COL5A2: variants seen among roughly 807,000 people sequenced by gnomAD.
COL5A2 encodes collagen alpha-2(V) chain.
In COL5A2, 23 loss-of-function variants were observed where a neutral mutation model predicts 208.2. That is an observed-to-expected ratio of 0.11 (90% CI 0.08 to 0.16). COL5A2 has a LOEUF of 0.16. Among genes scored for constraint, COL5A2 ranks in the 10% least tolerant of loss-of-function variants. The pLI, the probability that COL5A2 is intolerant of heterozygous loss-of-function variation, is 1.00. For synonymous variants in COL5A2, 625 were observed against 628.5 expected (o/e 0.99, Z 0.08); for missense variants, 1,590 against 1,956.4 (o/e 0.81, Z 3.53).
intron 17 of COL5A2, among the ~76,000 whole-genome samples, chr2:189,072,765 C>CAACCTGCAGTCAGACTCCATCTCA: frequency 1.5e-5 from 1 of 67,532 alleles, no homozygotes; most frequent in Non-Finnish European, 2.9e-5. Context: ...ACTCCATCTC[C>CAACCTGCAGTCAGACTCCATCTCA]AAAAAAAAAA....
At chr2:189,040,065 AAG>A (rs1460659381) in intron 50 of COL5A2, among the ~76,000 whole-genome samples, 3 of 152,206 alleles carry the variant, frequency 2.0e-5, no homozygotes, top group Non-Finnish European at 4.4e-5. Flanking sequence ...CTACTTCTAA[AAG>A]AGAGGGAGAG....
At chr2:189,203,534 A>AT (rs1275501614) in intron 1 of COL5A2, among the ~76,000 whole-genome samples, 2 of 152,150 alleles carry the variant, frequency 1.3e-5, no homozygotes, top group Non-Finnish European at 2.9e-5. Flanking sequence ...ATATTTTAAA[A>AT]TTTTTTTACA....
At chr2:189,205,018 A>C (rs573584909) in intron 1 of COL5A2, among the ~76,000 whole-genome samples, 4 of 152,308 alleles carry the variant, frequency 2.6e-5, no homozygotes, top group African/African-American at 9.6e-5. Flanking sequence ...GACTCCTAAC[A>C]CCGTTATCCT....
chr2:189,179,249 C>T (rs771710510), intron 1 of COL5A2, among the ~76,000 whole-genome samples: 1 of 152,182 alleles, frequency 6.6e-6, no homozygotes, highest in Non-Finnish European at 1.5e-5. Flanking sequence ...GTCCCACTCT[C>T]ACACTCAGCC....
At chr2:189,420,587 T>G in the COL5A2 span, among the ~76,000 whole-genome samples, 2 of 151,950 alleles carry the variant, frequency 1.3e-5, no homozygotes, top group Non-Finnish European at 2.9e-5. Flanking sequence ...ATAAATTAGA[T>G]AAATAGGTCT....
chr2:189,178,786 C>A (rs1306110784), intron 1 of COL5A2, among the ~76,000 whole-genome samples: 1 of 145,986 alleles, frequency 6.8e-6, no homozygotes, highest in African/African-American at 2.5e-5. Context: ...AAGATATATA[C>A]AAGACATGCT....
chr2:189,311,886 CT>C, the COL5A2 span: 1 of 1,017,072 alleles, frequency 9.8e-7, no homozygotes. Context: ...TTTACTTCCT[CT>C]TTGTGGTTCT....
the COL5A2 span, among the ~76,000 whole-genome samples, chr2:189,361,231 T>C: frequency 6.6e-6 from 1 of 152,188 alleles, no homozygotes; most frequent in African/African-American, 2.4e-5. Context: ...TATTACTGTG[T>C]TGCAGTCAAT....
At chr2:189,274,644 G>C in the COL5A2 span, among the ~76,000 whole-genome samples, 1 of 151,794 alleles carries the variant, frequency 6.6e-6, no homozygotes, top group Non-Finnish European at 1.5e-5. Flanking sequence ...TACTACATAA[G>C]CAAATAATTT....
At chr2:189,370,657 A>T in the COL5A2 span, among the ~76,000 whole-genome samples, 2 of 152,144 alleles carry the variant, frequency 1.3e-5, no homozygotes, top group Non-Finnish European at 1.5e-5. Flanking sequence ...CAACACATAC[A>T]ACATACATAG....
the COL5A2 span, among the ~76,000 whole-genome samples, chr2:189,427,143 C>T: frequency 6.6e-6 from 1 of 152,356 alleles, no homozygotes; most frequent in Admixed American, 6.5e-5. Context: ...TTTATTGGGC[C>T]AGGCCCAGGG....
the COL5A2 span, among the ~76,000 whole-genome samples, chr2:189,341,220 T>C: frequency 1.3e-5 from 2 of 152,176 alleles, no homozygotes; most frequent in Non-Finnish European, 2.9e-5. Flanking sequence ...CTAGATGTCA[T>C]GTAGAGTGAC....
At chr2:189,247,537 T>G in the COL5A2 span, among the ~76,000 whole-genome samples, 14 of 152,004 alleles carry the variant, frequency 9.2e-5, no homozygotes, top group African/African-American at 3.1e-4. Flanking sequence ...GAGGAACAGA[T>G]TACATGGCAT....
the COL5A2 span, among the ~76,000 whole-genome samples, chr2:189,244,848 T>C: frequency 2.0e-5 from 3 of 152,184 alleles, no homozygotes; most frequent in African/African-American, 7.2e-5. Flanking sequence ...TACCTGAGAC[T>C]GGGTTACTTA....
At chr2:189,355,185 G>A in the COL5A2 span, among the ~76,000 whole-genome samples, 3 of 152,282 alleles carry the variant, frequency 2.0e-5, no homozygotes, top group South Asian at 6.2e-4. Context: ...TTGCTGAGGA[G>A]TGTTTTACTT....
At position 189,085,842 on chromosome 2, in the gene COL5A2, T is replaced by C; in HGVS notation, c.691-70A>G. The C allele has an allele frequency of 4.0e-6, 5 of 1,260,104 alleles. No individual in the cohort carries two copies. In the South Asian group the frequency reaches 4.9e-5, roughly 12 times the overall value. 78.1% of individuals were successfully genotyped at this position (1,260,104 alleles called of 1,614,324 possible). On this transcript the variant is annotated intron_variant, in intron 9 of 53. Transcript: ENST00000374866. Reference sequence around the variant, plus strand: ...AATATTAAACCCTGTACTCTGTCAATATACAGTGTAATTGTTTAGACAGTT... The same window carrying C: ...AATATTAAACCCTGTACTCTGTCAACATACAGTGTAATTGTTTAGACAGTT...
the COL5A2 span, among the ~76,000 whole-genome samples, chr2:189,273,545 C>T: frequency 6.6e-6 from 1 of 152,120 alleles, no homozygotes; most frequent in African/African-American, 2.4e-5. Flanking sequence ...GCTATCTACA[C>T]TCTCATGTTC....
chr2:189,063,399 G>C (rs1686078127), intron 26 of COL5A2, 129 bp from the exon 27 acceptor site: 2 of 797,084 alleles, frequency 2.5e-6, no homozygotes, highest in South Asian at 2.9e-5. Flanking sequence ...TCATGTTAAA[G>C]AATCAGGACA....
At chr2:189,086,953 C>T (rs1340572946) in intron 8 of COL5A2, among the ~76,000 whole-genome samples, 183 bp from the exon 9 acceptor site, 1 of 152,114 alleles carries the variant, frequency 6.6e-6, no homozygotes, top group African/African-American at 2.4e-5. Flanking sequence ...GCTTGGACAA[C>T]ATTTGGGATG....
Sources: allele counts gnomAD v4.1 joint callset (sites outside exome capture counted in the v4.1 genomes callset), GRCh38; gene constraint gnomAD v4.1.1; transcripts MANE v1.5; gene names NCBI Gene and HGNC (gene_info 2026-07-23, HGNC 2026-07-21).